Variants in CLIP1 observed in about 807,000 individuals in gnomAD.
CLIP1 encodes CAP-Gly domain containing linker protein 1.
Under a neutral mutation model 161.6 loss-of-function variants are expected in CLIP1, and 66 were observed. That is an observed-to-expected ratio of 0.41 (90% CI 0.33 to 0.50). The LOEUF is 0.50. CLIP1 is among the 20% of genes least tolerant of loss of function. The probability of loss-of-function intolerance (pLI) is 0.27; values close to 1 mark genes in which losing one functional copy is unlikely to be tolerated. For synonymous variants in CLIP1, 598 were observed against 626.2 expected (o/e 0.96, Z 0.67); for missense variants, 1,376 against 1,702.0 (o/e 0.81, Z 3.37).
intron 1 of CLIP1, among the ~76,000 whole-genome samples, chr12:122,414,016 C>T (rs1020734506): frequency 3.3e-5 from 5 of 152,182 alleles, no homozygotes; most frequent in African/African-American, 1.2e-4. Flanking sequence ...CAAAAAAAGT[C>T]TCCCTCTGTT....
intron 17 of CLIP1, among the ~76,000 whole-genome samples, chr12:122,325,860 C>T (rs1034766216): frequency 1.1e-4 from 17 of 152,086 alleles, no homozygotes; most frequent in African/African-American, 4.1e-4. Flanking sequence ...ACGATGTTGT[C>T]CAGGGTGGTC....
chr12:122,342,492 C>T (rs963402131), intron 10 of CLIP1: 1 of 152,130 alleles, frequency 6.6e-6, no homozygotes, highest in Non-Finnish European at 1.5e-5. Context: ...GGTATAAGTG[C>T]AAAATACACA....
chr12:122,282,579 G>T (rs1254946831), intron 21 of CLIP1, among the ~76,000 whole-genome samples: 1 of 151,988 alleles, frequency 6.6e-6, no homozygotes, highest in Admixed American at 6.6e-5. Context: ...ACCATGAAGA[G>T]AAACGCAAAT....
intron 1 of CLIP1, among the ~76,000 whole-genome samples, chr12:122,393,912 C>CAAAAAAAAAAAAAAAAAAAAAAAA (rs71082981): frequency 9.5e-5 from 6 of 63,194 alleles, no homozygotes; most frequent in African/African-American, 2.8e-4. Flanking sequence ...ATTCTGTCTC[C>CAAAAAAAAAAAAAAAAAAAAAAAA]AAAAAAAAAA....
intron 5 of CLIP1, among the ~76,000 whole-genome samples, chr12:122,358,763 G>C (rs1473669415): frequency 7.3e-6 from 1 of 137,462 alleles, no homozygotes; most frequent in Admixed American, 7.3e-5. Context: ...AAAAAAAAAA[G>C]AATGAATTGG....
intron 21 of CLIP1, among the ~76,000 whole-genome samples, chr12:122,281,773 T>TA (rs61004152): frequency 0.011 from 1,424 of 126,386 alleles, 16 homozygotes; most frequent in East Asian, 0.054. Context: ...TTGATTCTGT[T>TA]AAAAAAAAAA....
At chr12:122,333,739 G>C (rs1350517649) in intron 14 of CLIP1, among the ~76,000 whole-genome samples, 1 of 152,212 alleles carries the variant, frequency 6.6e-6, no homozygotes, top group Non-Finnish European at 1.5e-5. Flanking sequence ...TGAGCCCCAA[G>C]GGTCAGCTGT....
At chr12:122,350,973 C>A in intron 9 of CLIP1, 138 bp downstream of exon 9, 2 of 569,588 alleles carry the variant, frequency 3.5e-6, no homozygotes, top group Non-Finnish European at 6.0e-6. Flanking sequence ...CTTTGAAAGC[C>A]ACATGCACAG....
chr12:122,348,716 C>T (rs1324437785), intron 9 of CLIP1, among the ~76,000 whole-genome samples: 1 of 152,170 alleles, frequency 6.6e-6, no homozygotes, highest in Non-Finnish European at 1.5e-5. Flanking sequence ...CAGGGCTGCT[C>T]TCAGCAACTG....
intron 3 of CLIP1, among the ~76,000 whole-genome samples, chr12:122,369,965 C>T (rs559459100): frequency 2.0e-4 from 31 of 151,874 alleles, no homozygotes; most frequent in African/African-American, 7.5e-4. Flanking sequence ...GAATTCGAGA[C>T]CAGCCTGGGC....
intron 10 of CLIP1, among the ~76,000 whole-genome samples, chr12:122,346,886 G>A (rs754745489): frequency 6.6e-6 from 1 of 152,200 alleles, no homozygotes; most frequent in Non-Finnish European, 1.5e-5. Context: ...TAACTGGGGT[G>A]AAAGTTTTTA....
At chr12:122,289,324 C>T (rs1002013858) in intron 20 of CLIP1, among the ~76,000 whole-genome samples, 1 of 151,876 alleles carries the variant, frequency 6.6e-6, no homozygotes, top group African/African-American at 2.4e-5. Context: ...GAGGCTGAGG[C>T]AGGAGAATCG....
chr12:122,288,872 G>T (rs1404147136), intron 20 of CLIP1, among the ~76,000 whole-genome samples: 1 of 143,206 alleles, frequency 7.0e-6, no homozygotes, highest in Non-Finnish European at 1.5e-5. Flanking sequence ...CTGGAGTGCA[G>T]TGGCGTGATC....
chr12:122,343,700 T>C (rs992290637), intron 10 of CLIP1: 2 of 152,234 alleles, frequency 1.3e-5, no homozygotes, highest in African/African-American at 4.8e-5. Context: ...CCAAGAATCT[T>C]CTTCCTTTAA....
At chr12:122,332,319 G>A (rs911730622) in intron 15 of CLIP1, among the ~76,000 whole-genome samples, 1 of 149,566 alleles carries the variant, frequency 6.7e-6, no homozygotes, top group Admixed American at 6.7e-5. Flanking sequence ...AAGCGTATAT[G>A]TATATATACA....
intron 1 of CLIP1, among the ~76,000 whole-genome samples, chr12:122,387,574 ATATATATATATATATATTTTT>A (rs1165369198): frequency 0.01 from 35 of 3,488 alleles, no homozygotes; most frequent in African/African-American, 0.017. Context: ...ATATATATAT[ATATATATATATATATATTTTT>A]TTTTTTTTTT....
At chr12:122,278,711 C>T (rs1371274834) in intron 23 of CLIP1, 81 bp downstream of exon 23, 5 of 1,429,952 alleles carry the variant, frequency 3.5e-6, no homozygotes, top group Non-Finnish European at 4.7e-6. Flanking sequence ...TGAGAGCTGT[C>T]TTCGAAGAGC....
rs139591249 is a variant in CLIP1, at chr12:122,298,872, G to A, written c.3595-10331C>T. On this transcript the variant is annotated intron_variant, in intron 20 of 25. Coordinates refer to ENST00000620786, the MANE Select transcript of CLIP1 (RefSeq NM_001247997.2). ...GGGGAGGCTGAGGGAGGAGAATCGC[G>A]TGAACCCAGGAGACGGAGGTTGCAA... Among the ~76,000 whole-genome samples the A allele has an allele frequency of 4.1e-3, 617 of 152,100 alleles. 8 individuals are homozygous for A. Among genetic ancestry groups the A allele is most frequent in the African/African-American group, 0.014 (581 of 41,482 alleles).
intron 3 of CLIP1, among the ~76,000 whole-genome samples, chr12:122,370,312 G>T (rs1954383518): frequency 6.6e-6 from 1 of 152,134 alleles, no homozygotes; most frequent in South Asian, 2.1e-4. Flanking sequence ...TCCAAGGAAG[G>T]AGTTTCGATT....
Sources: allele counts gnomAD v4.1 joint callset (sites outside exome capture counted in the v4.1 genomes callset), GRCh38; gene constraint gnomAD v4.1.1; transcripts MANE v1.5; gene names NCBI Gene and HGNC (gene_info 2026-07-23, HGNC 2026-07-21).